Variants in SPOCK1 observed in about 807,000 individuals in gnomAD.
The protein encoded by SPOCK1 is SPARC (osteonectin), cwcv and kazal like domains proteoglycan 1, also known as testican-1.
Under a neutral mutation model 55.3 loss-of-function variants are expected in SPOCK1, and 23 were observed. The ratio of observed to expected loss-of-function variants is 0.42; its 90% CI spans 0.30 to 0.59. The LOEUF (loss-of-function observed/expected upper bound fraction) is 0.59. Ranked by LOEUF, SPOCK1 falls within the 20% of genes least tolerant of loss-of-function variation. The pLI is 0.22. For synonymous variants in SPOCK1, 226 were observed against 221.0 expected (o/e 1.02, Z -0.20); for missense variants, 499 against 552.5 (o/e 0.90, Z 0.97).
At chr5:137,029,439 T>A (rs1751735706) in intron 6 of SPOCK1, among the ~76,000 whole-genome samples, 1 of 152,248 alleles carries the variant, frequency 6.6e-6, no homozygotes, top group Non-Finnish European at 1.5e-5. Context: ...TCATCTTGAC[T>A]GATCCTTACA....
chr5:137,118,304 T>G (rs1753626190), intron 4 of SPOCK1, among the ~76,000 whole-genome samples: 2 of 152,250 alleles, frequency 1.3e-5, no homozygotes, highest in African/African-American at 4.8e-5. Context: ...AGCACAATCT[T>G]TTAAGATGGC....
At chr5:136,999,155 G>T (rs2126967774) in intron 6 of SPOCK1, among the ~76,000 whole-genome samples, 1 of 152,308 alleles carries the variant, frequency 6.6e-6, no homozygotes, top group South Asian at 2.1e-4. Flanking sequence ...GAACGCAGCT[G>T]ATGGGAGGGA....
intron 5 of SPOCK1, among the ~76,000 whole-genome samples, chr5:137,087,332 C>T (rs925037129): frequency 1.2e-4 from 18 of 152,190 alleles, no homozygotes; most frequent in Non-Finnish European, 2.1e-4. Flanking sequence ...TCAAACAAGG[C>T]AGTATATCTC....
chr5:137,269,271 C>T (rs1756914705), intron 2 of SPOCK1, among the ~76,000 whole-genome samples: 1 of 152,192 alleles, frequency 6.6e-6, no homozygotes, highest in Admixed American at 6.5e-5. Context: ...CAACCCCTTG[C>T]CCAGCCAGGC....
intron 2 of SPOCK1, among the ~76,000 whole-genome samples, chr5:137,369,456 A>G (rs1751151077): frequency 6.6e-6 from 1 of 152,174 alleles, no homozygotes; most frequent in Non-Finnish European, 1.5e-5. Context: ...ATATATAAGC[A>G]AAACCCCAAC....
chr5:137,167,439 G>A (rs961154310), intron 3 of SPOCK1, among the ~76,000 whole-genome samples: 1 of 151,518 alleles, frequency 6.6e-6, no homozygotes, highest in Non-Finnish European at 1.5e-5. Context: ...AAAAACATAG[G>A]ACTTAATCTG....
At chr5:137,263,172 G>GA (rs11372767) in intron 3 of SPOCK1, among the ~76,000 whole-genome samples, 15,789 of 152,102 alleles carry the variant, frequency 0.1, 957 homozygotes, top group Admixed American at 0.15. Flanking sequence ...GTGTGTAGTG[G>GA]AAAAAAATTG....
chr5:137,497,545 G>C (rs1026565232), intron 2 of SPOCK1, among the ~76,000 whole-genome samples: 4 of 152,186 alleles, frequency 2.6e-5, no homozygotes, highest in Admixed American at 2.6e-4. Flanking sequence ...CAGAACAGAG[G>C]AGATGCCATC....
rs114949184 is a variant in SPOCK1 at position 137,285,390 on chromosome 5, G to A, written c.187-18335C>T. On this transcript the variant is annotated intron_variant, in intron 2 of 10. Transcript: ENST00000394945. Reference sequence around the variant, plus strand: ...CCACATTATTCTTGAATCTTTCACAGCTAAAATCTACCTGGAAACATAAAT... The same window carrying A: ...CCACATTATTCTTGAATCTTTCACAACTAAAATCTACCTGGAAACATAAAT... 5.1e-3 allele frequency among the ~76,000 whole-genome samples: 771 copies of A among 152,244 alleles called. 3 individuals carry two copies. Among genetic ancestry groups the A allele is most frequent in the African/African-American group, 0.018 (738 of 41,544 alleles).
At chr5:137,226,332 T>C (rs1335739898) in intron 3 of SPOCK1, among the ~76,000 whole-genome samples, 2 of 152,222 alleles carry the variant, frequency 1.3e-5, no homozygotes, top group African/African-American at 2.4e-5. Flanking sequence ...AATTAAACTA[T>C]TGACCAAACT....
intron 4 of SPOCK1, among the ~76,000 whole-genome samples, chr5:137,113,966 C>T (rs1051536290): frequency 8.5e-5 from 13 of 152,272 alleles, no homozygotes; most frequent in East Asian, 3.9e-4. Flanking sequence ...AAGAAAGATG[C>T]ATAAAGCCAA....
intron 9 of SPOCK1, among the ~76,000 whole-genome samples, chr5:136,982,296 A>AAG (rs1405604491): frequency 6.6e-6 from 1 of 152,242 alleles, no homozygotes; most frequent in African/African-American, 2.4e-5. Flanking sequence ...TTGTTTAAAA[A>AAG]AGAGTATTTA....
chr5:137,427,427 C>A (rs1365899697), intron 2 of SPOCK1, among the ~76,000 whole-genome samples: 9 of 152,068 alleles, frequency 5.9e-5, no homozygotes, highest in Non-Finnish European at 1.3e-4. Flanking sequence ...CTAAGCAGGG[C>A]CAGGGTTAGG....
At chr5:137,110,705 C>T (rs2127031288) in intron 5 of SPOCK1, among the ~76,000 whole-genome samples, 1 of 152,294 alleles carries the variant, frequency 6.6e-6, no homozygotes, top group African/African-American at 2.4e-5. Flanking sequence ...GAATTTCTAA[C>T]TCACAGAACA....
At chr5:137,355,082 T>C (rs1327045730) in intron 2 of SPOCK1, among the ~76,000 whole-genome samples, 4 of 151,998 alleles carry the variant, frequency 2.6e-5, no homozygotes, top group Non-Finnish European at 5.9e-5. Flanking sequence ...TTTTGTATTT[T>C]AGTAGAGATG....
intron 3 of SPOCK1, among the ~76,000 whole-genome samples, chr5:137,201,545 A>G (rs1448315279): frequency 6.6e-6 from 1 of 152,252 alleles, no homozygotes; most frequent in Non-Finnish European, 1.5e-5. Flanking sequence ...CAATGCTAAT[A>G]TAAACAGAAC....
chr5:137,331,662 A>G (rs1424693643), intron 2 of SPOCK1, among the ~76,000 whole-genome samples: 4 of 152,110 alleles, frequency 2.6e-5, no homozygotes, highest in Admixed American at 1.3e-4. Context: ...GAAAGAAAGG[A>G]GAGGTCCCAG....
chr5:137,003,055 T>A (rs1224804068), intron 6 of SPOCK1, among the ~76,000 whole-genome samples: 2 of 152,238 alleles, frequency 1.3e-5, no homozygotes, highest in Non-Finnish European at 2.9e-5. Context: ...AAGTGATTTA[T>A]TTTTAATGCT....
At chr5:137,340,880 C>CA (rs553671622) in intron 2 of SPOCK1, among the ~76,000 whole-genome samples, 2,109 of 94,796 alleles carry the variant, frequency 0.022, 51 homozygotes, top group African/African-American at 0.069. Context: ...GATTCCATCT[C>CA]AAAAAAAAAA....
Sources: gnomAD v4.1 joint callset for allele counts (sites outside exome capture counted in the v4.1 genomes callset) on GRCh38, gnomAD v4.1.1 for gene constraint, MANE v1.5 for transcripts, NCBI Gene and HGNC (gene_info 2026-07-23, HGNC 2026-07-21) for gene names.